The following NEK8 variants were observed in gnomAD, a reference collection of about 807,000 sequenced individuals.
NEK8 encodes the protein NIMA related kinase 8.
A neutral mutation model predicts 77.2 loss-of-function variants in NEK8; 51 were observed. That is an observed-to-expected ratio of 0.66 (90% CI 0.53 to 0.83). NEK8 has a LOEUF of 0.83. Ranked by LOEUF, NEK8 falls within the 40% of genes least tolerant of loss-of-function variation. The pLI, the probability that NEK8 is intolerant of heterozygous loss-of-function variation, is 0.00. For missense variants in NEK8, 787 were observed against 909.2 expected, an observed-to-expected ratio of 0.87 and a Z score of 1.73; for synonymous variants, 365 against 363.2, an observed-to-expected ratio of 1.00 and a Z score of -0.06.
rs1295797624 is a variant in NEK8, at chr17:28,737,121, T to G, written c.619-185T>G. Among the ~76,000 whole-genome samples, 1 of 152,264 alleles carries G rather than the reference T, an allele frequency of 6.6e-6. No individual in the cohort carries two copies. The highest frequency in any genetic ancestry group is 1.5e-5 in the Non-Finnish European group (1 of 68,042). On this transcript the variant is annotated intron_variant, in intron 4 of 14. Coordinates refer to ENST00000268766, the MANE Select transcript of NEK8 (RefSeq NM_178170.3). The surrounding 1 kb of genome is among the most constrained non-coding windows in gnomAD (Gnocchi z 4.8). The stretch of plus-strand genomic sequence containing the variant: ...TTTCTGAGGGCTCTGTTCTGTTCCA[T>G]TGGTCTATATCTCTGTTTTGGTACC...
Position 28,742,865 on chromosome 17 carries a change from T to C in NEK8, c.*878T>C, listed in dbSNP as rs2034440940. 2.6e-5 allele frequency: 4 copies of C among 151,378 alleles called. No homozygotes were observed. Among genetic ancestry groups the C allele is most frequent in the South Asian group, 2.1e-4 (1 of 4,810 alleles). The allele number at this position is 151,378 out of a possible 1,614,324, so 9.4% of individuals were successfully genotyped here. A position where few individuals can be genotyped will look rare whatever the true frequency, so the allele number is the denominator to read the frequency against. Reference sequence around the variant, plus strand: ...AGGCGGGCGGATCACTTGAGGTCAGTAGACTGAGGCCAGCCTGGCCAACAT... The same window carrying C: ...AGGCGGGCGGATCACTTGAGGTCAGCAGACTGAGGCCAGCCTGGCCAACAT... On this transcript the variant is annotated 3_prime_UTR_variant, in exon 15 of 15. Coordinates refer to ENST00000268766, the MANE Select transcript of NEK8 (RefSeq NM_178170.3).
chr17:28,739,094 T>C lies in NEK8; in HGVS notation c.1310T>C (p.Val437Ala). Reference protein sequence around the residue: ...SLTDISQPTIVEALLGYEMVQ... With the variant: ...SLTDISQPTIAEALLGYEMVQ... ...TCCTCTCCTCTCTAGCCCACCATTG[T>C]GGAGGCTTTGCTGGGCTATGAAATG... Residue 437 changes from valine (V) to alanine (A), a missense_variant, in exon 10 of 15, where the codon GTG becomes GCG. Val to Ala is a moderately conservative substitution (Grantham distance 64, BLOSUM62 0). Transcript: ENST00000268766. 6.2e-7 allele frequency: 1 copy of C among 1,613,518 alleles called. No individual in the cohort carries two copies. The highest frequency in any genetic ancestry group is 8.5e-7 in the Non-Finnish European group (1 of 1,179,368).
chr17:28,734,736 G>C, intron 2 of NEK8, 36 bp from the exon 3 acceptor site: 1 of 1,465,892 alleles, frequency 6.8e-7, no homozygotes, highest in Non-Finnish European at 9.6e-7. Flanking sequence ...GTAGGTGTGA[G>C]AAAGCCTGGA....
rs931171571 is a variant in NEK8 at position 28,728,788 on chromosome 17, A to G, written c.-26A>G. On this transcript the variant is annotated 5_prime_UTR_variant, in exon 1 of 15. Transcript: ENST00000268766. Reference sequence around the variant, plus strand: ...GGTCCGCGCACGCGCCGCGTGGGGGACGGAAGTGAAACTCTAAGAAATGAG... The same window carrying G: ...GGTCCGCGCACGCGCCGCGTGGGGGGCGGAAGTGAAACTCTAAGAAATGAG... 5.8e-6 allele frequency: 9 copies of G among 1,549,066 alleles called. No individual in the cohort carries two copies. The Admixed American group carries it at 9.8e-5, about 17-fold the overall frequency.
Position 28,740,481 on chromosome 17 carries a change from C to T in NEK8, c.1436C>T (p.Thr479Ile), listed in dbSNP as rs548887208. 6.2e-7 allele frequency: 1 copy of T among 1,614,060 alleles called. No homozygotes were observed. The highest frequency in any genetic ancestry group is 8.5e-7 in the Non-Finnish European group (1 of 1,179,996). Reference sequence around the variant, plus strand: ...CTTGTAGGCAGACTGGGGCTAGGCACCAGGGAGTCCCACAGCTGCCCCCAG... The same window carrying T: ...CTTGTAGGCAGACTGGGGCTAGGCATCAGGGAGTCCCACAGCTGCCCCCAG... ...RGDSGRLGLG[T>I]RESHSCPQQV... Residue 479 changes from threonine to isoleucine, a missense_variant, in exon 11 of 15, where the codon ACC becomes ATC. Thr to Ile is a moderately conservative substitution (Grantham distance 89, BLOSUM62 -1). Transcript: ENST00000268766. The surrounding 1 kb of genome is among the most constrained non-coding windows in gnomAD (Gnocchi z 4.7).
chr17:28,731,013 G>A lies in NEK8; in HGVS notation c.47+2153G>A, dbSNP rs189629255. The stretch of plus-strand genomic sequence containing the variant: ...CAGGCCTGTAATTCTAGCACTTTGG[G>A]AGGCCGAGGTGGTTGGATCACCTGA... On this transcript the variant is annotated intron_variant, in intron 1 of 14. Coordinates refer to ENST00000268766, the MANE Select transcript of NEK8 (RefSeq NM_178170.3). Among the ~76,000 whole-genome samples the A allele has an allele frequency of 2.0e-5, 3 of 152,296 alleles. No individual in the cohort carries two copies. The East Asian group carries it at 5.8e-4, about 29-fold the overall frequency.
In NEK8 at chr17:28,741,522, G is replaced by T; in HGVS notation, c.2001G>T (p.Thr667=). 6.2e-7 allele frequency: 1 copy of T among 1,614,124 alleles called. No homozygotes were observed. The highest frequency in any genetic ancestry group is 8.5e-7 in the Non-Finnish European group (1 of 1,180,012). ...AGTTGGATGAGACACACCCTTACAC[G>T]GTGACTTCCGTGTCCTGTTGCCATG... The part of the protein sequence containing the change: ...PVQLDETHPY[T]VTSVSCCHGN... The change falls in exon 14 of 15, where the codon ACG becomes ACT. Residue 667 remains threonine, a synonymous_variant. Coordinates refer to ENST00000268766, the MANE Select transcript of NEK8 (RefSeq NM_178170.3). The surrounding 1 kb of genome is among the most constrained non-coding windows in gnomAD (Gnocchi z 4.5).
At position 28,742,454 on chromosome 17, in the gene NEK8, C is replaced by T. The variant is rs917264101; in HGVS notation, c.*467C>T. 5.7e-5 allele frequency: 13 copies of T among 227,500 alleles called. No homozygotes were observed. Among genetic ancestry groups the T allele is most frequent in the South Asian group, 3.3e-4 (6 of 18,308 alleles). The allele number at this position is 227,500 out of a possible 1,614,324, so 14.1% of individuals were successfully genotyped here. A position where few individuals can be genotyped will look rare whatever the true frequency, so the allele number is the denominator to read the frequency against. On this transcript the variant is annotated 3_prime_UTR_variant, in exon 15 of 15. Transcript: ENST00000268766. Reference sequence around the variant, plus strand: ...TAAAAATACAAAAAAATTAGCTGGGCGTGGTGGCACGCGCCTGTAGTCCCA... The same window carrying T: ...TAAAAATACAAAAAAATTAGCTGGGTGTGGTGGCACGCGCCTGTAGTCCCA...
Position 28,737,798 on chromosome 17 carries a change from C to A in NEK8, c.890-21C>A, listed in dbSNP as rs1203989284. ...ACACCATTCCCATCAGTTTAATAGT[C>A]CCCATGCACTGTACCTGCAGGTATC... On this transcript the variant is annotated intron_variant, in intron 6 of 14. Transcript: ENST00000268766. This position sits in a 1 kb window ranked among gnomAD's most constrained non-coding sequence, Gnocchi z 4.8. The A allele has an allele frequency of 1.2e-6, 2 of 1,614,134 alleles. No individual in the cohort carries two copies. Among genetic ancestry groups the A allele is most frequent in the Non-Finnish European group, 1.7e-6 (2 of 1,180,000 alleles).
chr17:28,741,398 G>T lies in NEK8; in HGVS notation c.1892-15G>T. 6.2e-7 allele frequency: 1 copy of T among 1,613,330 alleles called. No individual in the cohort carries two copies. Among genetic ancestry groups the T allele is most frequent in the South Asian group, 1.1e-5 (1 of 90,946 alleles). ...GCCCACTTCCCACTTCCCTCCTGGGGATTCTTCCTGGCAGAGAGCGAAGTG... is the reference window on the plus strand; with the variant it reads ...GCCCACTTCCCACTTCCCTCCTGGGTATTCTTCCTGGCAGAGAGCGAAGTG... On this transcript the variant is annotated splice_polypyrimidine_tract_variant and intron_variant, in intron 13 of 14. Transcript: ENST00000268766. This position sits in a 1 kb window ranked among gnomAD's most constrained non-coding sequence, Gnocchi z 4.5.
chr17:28,735,352 A>G lies in NEK8; in HGVS notation c.599A>G (p.Lys200Arg), dbSNP rs1362747854. The G allele has an allele frequency of 1.2e-6, 2 of 1,613,888 alleles. No individual in the cohort carries two copies. The highest frequency in any genetic ancestry group is 2.7e-5 in the African/African-American group (2 of 74,938). Reference sequence around the variant, plus strand: ...GTCCTCTACGAGCTGGCCAGCCTCAAGAGGGCTTTCGAGGCTGCGGTGAGT... The same window carrying G: ...GTCCTCTACGAGCTGGCCAGCCTCAGGAGGGCTTTCGAGGCTGCGGTGAGT... ...GCVLYELASL[K>R]RAFEAANLPA... Residue 200 changes from lysine (K) to arginine (R), a missense_variant, in exon 4 of 15, where the codon AAG (lysine) becomes AGG (arginine). Lys to Arg is a conservative substitution (Grantham distance 26). Transcript: ENST00000268766.
intron 1 of NEK8, among the ~76,000 whole-genome samples, chr17:28,732,545 CTTTTTTTTTTTTTT>C (rs1054257308): frequency 5.1e-5 from 4 of 77,912 alleles, no homozygotes; most frequent in Non-Finnish European, 7.0e-5. Context: ...TTTTTCTTTT[CTTTTTTTTTTTTTT>C]TTTTTTTTTT....
In NEK8 at chr17:28,738,216, G is replaced by C. The variant is rs767422789; in HGVS notation, c.1193G>C (p.Cys398Ser). 1.2e-6 allele frequency: 2 copies of C among 1,614,196 alleles called. No individual in the cohort carries two copies. Among genetic ancestry groups the C allele is most frequent in the Non-Finnish European group, 1.7e-6 (2 of 1,180,024 alleles). The change falls in exon 8 of 15, where the codon TGT becomes TCT. Residue 398 changes from cysteine to serine, a missense_variant. By Grantham distance (112) the Cys-to-Ser change is moderately radical. Around this residue, in one of 2 missense-constraint regions of NEK8, gnomAD observed 516 missense variants for 544.0 expected, o/e 0.95. Transcript: ENST00000268766. ...QSGVTIKHVA[C>S]GDFFTACLTD... is the part of the protein sequence containing the mutation. ...GGTGTGACCATCAAGCACGTGGCCT[G>C]TGGGGACTTCTTCACTGCCTGCCTG...
intron 2 of NEK8, 143 bp downstream of exon 2, chr17:28,734,331 C>A: frequency 1.3e-6 from 1 of 753,972 alleles, no homozygotes; most frequent in Non-Finnish European, 2.3e-6. Flanking sequence ...CCCGGCTAGC[C>A]CCTTGTCCTC....
At position 28,735,385 on chromosome 17, in the gene NEK8, C is replaced by A. The variant is rs550716433; in HGVS notation, c.618+14C>A. Reference sequence around the variant, plus strand: ...TTCGAGGCTGCGGTGAGTGTATGCACCCTCCAGGGGACAACTGAGAAATCT... The same window carrying A: ...TTCGAGGCTGCGGTGAGTGTATGCAACCTCCAGGGGACAACTGAGAAATCT... On this transcript the variant is annotated intron_variant, in intron 4 of 14. Coordinates refer to ENST00000268766, the MANE Select transcript of NEK8 (RefSeq NM_178170.3). 12 of 1,612,080 alleles carry A rather than the reference C, an allele frequency of 7.4e-6. No homozygotes were observed. Among genetic ancestry groups the A allele is most frequent in the Non-Finnish European group, 1.0e-5 (12 of 1,179,350 alleles).
chr17:28,739,091 T>C lies in NEK8; in HGVS notation c.1307T>C (p.Ile436Thr), dbSNP rs1033398427. Reference sequence around the variant, plus strand: ...GCTTCCTCTCCTCTCTAGCCCACCATTGTGGAGGCTTTGCTGGGCTATGAA... The same window carrying C: ...GCTTCCTCTCCTCTCTAGCCCACCACTGTGGAGGCTTTGCTGGGCTATGAA... Reference protein sequence around the residue: ...GSLTDISQPTIVEALLGYEMV... With the variant: ...GSLTDISQPTTVEALLGYEMV... Residue 436 changes from isoleucine to threonine, a missense_variant, in exon 10 of 15, where the codon ATT becomes ACT. By Grantham distance (89) the Ile-to-Thr change is moderately conservative (BLOSUM62 -1). This residue lies in a region of NEK8 where 516 missense variants were observed against 544.0 expected (regional missense o/e 0.95). Transcript: ENST00000268766. 4 of 1,612,502 alleles carry C rather than the reference T, an allele frequency of 2.5e-6. No homozygotes were observed. The highest frequency in any genetic ancestry group is 3.4e-6 in the Non-Finnish European group (4 of 1,178,598).
At chr17:28,732,613 G>A (rs1427968965) in intron 1 of NEK8, among the ~76,000 whole-genome samples, 1 of 138,932 alleles carries the variant, frequency 7.2e-6, no homozygotes, top group Non-Finnish European at 1.5e-5. Flanking sequence ...GTGCAGTGGC[G>A]CCATCTCGGC....
intron 4 of NEK8, among the ~76,000 whole-genome samples, 172 bp downstream of exon 4, chr17:28,735,543 G>T (rs1204312387): frequency 6.6e-6 from 1 of 152,160 alleles, no homozygotes; most frequent in East Asian, 1.9e-4. Context: ...CTGAGAGTAG[G>T]TCTTGCCTCC....
At chr17:28,734,471 C>A (rs1044823204) in intron 2 of NEK8, 1 of 559,474 alleles carries the variant, frequency 1.8e-6, no homozygotes, top group Non-Finnish European at 3.2e-6. Context: ...GTCAGGAGAT[C>A]GAGACCATCC....
Sources: allele counts gnomAD v4.1 joint callset (sites outside exome capture counted in the v4.1 genomes callset), GRCh38; gene constraint gnomAD v4.1.1; regional missense constraint gnomAD v4.1.1; non-coding constraint Gnocchi (gnomAD v3.1); transcripts MANE v1.5; gene names NCBI Gene and HGNC (gene_info 2026-07-23, HGNC 2026-07-21).